CYP2B6: variants seen among roughly 807,000 people sequenced by gnomAD.
CYP2B6 encodes the protein cytochrome P450 2B6.
CYP2B6 carries 35 observed loss-of-function variants against 43.4 expected under a neutral mutation model. The ratio of observed to expected loss-of-function variants is 0.81; its 90% CI spans 0.62 to 1.07. The LOEUF is 1.07. CYP2B6 is among the 50% of genes least tolerant of loss of function. The pLI is 0.00. For missense variants in CYP2B6, 624 were observed against 632.8 expected (o/e 0.99, Z 0.15); for synonymous variants, 239 against 239.2 (o/e 1.00, Z 0.01).
At chr19:40,992,173 T>A (rs949837168) in intron 1 of CYP2B6, among the ~76,000 whole-genome samples, 3 of 136,192 alleles carry the variant, frequency 2.2e-5, no homozygotes, top group African/African-American at 9.1e-5. Context: ...CTGCACTCCA[T>A]CCTGGGTGAC....
In CYP2B6 at chr19:41,004,309, C is replaced by T; in HGVS notation, c.347C>T (p.Ala116Val). Residue 116 changes from alanine (A) to valine (V), a missense_variant, in exon 3 of 9, where the codon GCC becomes GTC. Coordinates refer to ENST00000324071, the MANE Select transcript of CYP2B6 (RefSeq NM_000767.5). ...CCCTGCACCCCAGGTGTGATCTTTG[C>T]CAATGGAAACCGCTGGAAGGTGCTT... is the stretch of plus-strand genomic sequence containing the variant. ...PFFRGYGVIF[A>V]NGNRWKVLRR... is the part of the protein sequence containing the mutation. 1 of 1,613,878 alleles carries T rather than the reference C, an allele frequency of 6.2e-7. No homozygotes were observed. Among genetic ancestry groups the T allele is most frequent in the South Asian group, 1.1e-5 (1 of 91,068 alleles).
rs1457472606 is a variant in CYP2B6 at position 41,000,284 on chromosome 19, C to T, written c.172-3717C>T. 1.3e-5 allele frequency among the ~76,000 whole-genome samples: 2 copies of T among 152,100 alleles called. 1 individual carries two copies. The highest frequency in any genetic ancestry group is 4.8e-5 in the African/African-American group (2 of 41,382). ...TGATAGTGCTGCATTTACCTGTGAT[C>T]CTGTGGCTGAGCTCTCCCTCACACT... is the stretch of plus-strand genomic sequence containing the variant. On this transcript the variant is annotated intron_variant, in intron 1 of 8. Coordinates refer to ENST00000324071, the MANE Select transcript of CYP2B6 (RefSeq NM_000767.5).
Position 41,005,887 on chromosome 19 carries a change from A to G in CYP2B6, c.485-1018A>G, listed in dbSNP as rs542519824. Among the ~76,000 whole-genome samples the G allele has an allele frequency of 1.2e-3, 178 of 152,168 alleles. 2 individuals carry two copies. The highest frequency in any genetic ancestry group is 4.2e-3 in the African/African-American group (175 of 41,472). ...GGCAAAGAGAAATTGAGGCAGAGAA[A>G]ATTAGAGAGACAGACAGACAAAGCT... On this transcript the variant is annotated intron_variant, in intron 3 of 8. Coordinates refer to ENST00000324071, the MANE Select transcript of CYP2B6 (RefSeq NM_000767.5).
At chr19:41,000,932 G>A (rs1427816198) in intron 1 of CYP2B6, among the ~76,000 whole-genome samples, 4 of 152,042 alleles carry the variant, frequency 2.6e-5, no homozygotes, top group Admixed American at 2.6e-4. Context: ...CCAGCTACTC[G>A]GGAGGCTGAG....
intron 8 of CYP2B6, among the ~76,000 whole-genome samples, chr19:41,013,241 G>T (rs1188516339): frequency 2.0e-5 from 3 of 152,174 alleles, no homozygotes; most frequent in Admixed American, 2.0e-4. Flanking sequence ...ATCATCTCAT[G>T]AAATGAATGA....
At chr19:41,010,180 T>A in intron 6 of CYP2B6, 45 bp downstream of exon 6, 2 of 1,608,854 alleles carry the variant, frequency 1.2e-6, no homozygotes, top group Non-Finnish European at 1.7e-6. Flanking sequence ...GACCTCCTTC[T>A]GAGCTGCAGA....
rs754640700 is a variant in CYP2B6, at chr19:41,012,438, C to T, written c.1105C>T (p.His369Tyr). Residue 369 changes from histidine to tyrosine, a missense_variant, in exon 7 of 9, where the codon CAC becomes TAC. His to Tyr is a moderately conservative substitution (Grantham distance 83, BLOSUM62 2). Transcript: ENST00000324071. ...FSDLLPMGVP[H>Y]IVTQHTSFRG... ...CGACCTTCTCCCCATGGGTGTGCCCCACATTGTCACCCAACACACCAGCTT... is the reference window on the plus strand; with the variant it reads ...CGACCTTCTCCCCATGGGTGTGCCCTACATTGTCACCCAACACACCAGCTT... 4 of 1,613,964 alleles carry T rather than the reference C, an allele frequency of 2.5e-6. No individual in the cohort carries two copies. In the Admixed American group the frequency reaches 6.7e-5, roughly 27 times the overall value.
intron 6 of CYP2B6, among the ~76,000 whole-genome samples, chr19:41,010,408 G>GT (rs1568562317): frequency 4.8e-5 from 7 of 146,594 alleles, no homozygotes; most frequent in African/African-American, 1.8e-4. Context: ...TTTGTTTTTT[G>GT]GTTTTTTTTT....
At chr19:40,992,201 C>CAAAAAAAAAAAAAAAAAAAAAAAAAAAA (rs561830421) in intron 1 of CYP2B6, among the ~76,000 whole-genome samples, 22 of 62,580 alleles carry the variant, frequency 3.5e-4, no homozygotes, top group African/African-American at 1.1e-3. Flanking sequence ...GACTCCTTCT[C>CAAAAAAAAAAAAAAAAAAAAAAAAAAAA]AAAAAAAAAA....
At chr19:41,002,030 A>G (rs111959737) in intron 1 of CYP2B6, among the ~76,000 whole-genome samples, 5 of 152,206 alleles carry the variant, frequency 3.3e-5, no homozygotes, top group African/African-American at 1.2e-4. Context: ...GAAACAGGAA[A>G]AATGTCAGAG....
At chr19:41,012,916 A>T in intron 8 of CYP2B6, 101 bp downstream of exon 8, 3 of 1,339,204 alleles carry the variant, frequency 2.2e-6, no homozygotes, top group Non-Finnish European at 3.2e-6. Context: ...AGCACTTAAT[A>T]TATTCTGATT....
intron 6 of CYP2B6, among the ~76,000 whole-genome samples, chr19:41,011,926 T>C (rs192331300): frequency 1.3e-3 from 201 of 152,246 alleles, no homozygotes; most frequent in African/African-American, 4.7e-3. Flanking sequence ...AGTAGTGTCC[T>C]TGCTGAAAGG....
intron 8 of CYP2B6, among the ~76,000 whole-genome samples, chr19:41,015,529 T>C (rs950116689): frequency 2.6e-5 from 4 of 152,182 alleles, no homozygotes; most frequent in Non-Finnish European, 4.4e-5. Flanking sequence ...AAAGGCTCCC[T>C]TTGTCTCTGC....
chr19:40,993,899 A>T (rs996707325), intron 1 of CYP2B6, among the ~76,000 whole-genome samples: 3 of 152,146 alleles, frequency 2.0e-5, no homozygotes, highest in Admixed American at 6.5e-5. Flanking sequence ...CATAGAGGAG[A>T]TCTAAAATTG....
chr19:41,013,384 A>T (rs1969313988), intron 8 of CYP2B6, among the ~76,000 whole-genome samples: 1 of 152,186 alleles, frequency 6.6e-6, no homozygotes, highest in Non-Finnish European at 1.5e-5. Context: ...AATAGTAGCT[A>T]ATCTTGTGGT....
At position 41,012,702 on chromosome 19, in the gene CYP2B6, C is replaced by G; in HGVS notation, c.1181C>G (p.Thr394Ser). The G allele has an allele frequency of 6.2e-7, 1 of 1,614,070 alleles. No individual in the cohort carries two copies. The highest frequency in any genetic ancestry group is 8.5e-7 in the Non-Finnish European group (1 of 1,180,012). ...ACAGAAGTATTTCTCATCCTGAGCA[C>G]TGCTCTCCATGACCCACACTACTTT... ...KDTEVFLILS[T>S]ALHDPHYFEK... The change falls in exon 8 of 9, where the codon ACT becomes AGT. Residue 394 changes from threonine (T) to serine (S), a missense_variant. Coordinates refer to ENST00000324071, the MANE Select transcript of CYP2B6 (RefSeq NM_000767.5).
chr19:41,017,172 A>G lies in CYP2B6; in HGVS notation c.*345A>G, dbSNP rs28969415. On this transcript the variant is annotated 3_prime_UTR_variant, in exon 9 of 9. Coordinates refer to ENST00000324071, the MANE Select transcript of CYP2B6 (RefSeq NM_000767.5). ...ACTCTCCTGCCTCAGCCTCCCTAGT[A>G]GCTGGGATTACAGGCATGCACTACC... The G allele has an allele frequency of 0.031, 5,347 of 174,678 alleles. 118 individuals carry two copies. The highest frequency in any genetic ancestry group is 0.066 in the Middle Eastern group (26 of 392). The allele number at this position is 174,678 out of a possible 1,614,324, so 10.8% of individuals were successfully genotyped here.
chr19:41,013,400 C>A (rs1021908396), intron 8 of CYP2B6, among the ~76,000 whole-genome samples: 211 of 152,134 alleles, frequency 1.4e-3, no homozygotes, highest in African/African-American at 4.7e-3. Context: ...GTGGTGGGTC[C>A]GTAAGGAAAA....
At chr19:41,011,523 TATTG>T (rs951572706) in intron 6 of CYP2B6, among the ~76,000 whole-genome samples, 7 of 152,254 alleles carry the variant, frequency 4.6e-5, no homozygotes, top group Admixed American at 1.3e-4. Context: ...TGAATTGATC[TATTG>T]ATTGATTGAT....
Sources: allele counts gnomAD v4.1 joint callset (sites outside exome capture counted in the v4.1 genomes callset), GRCh38; gene constraint gnomAD v4.1.1; transcripts MANE v1.5; gene names NCBI Gene and HGNC (gene_info 2026-07-23, HGNC 2026-07-21).